ZNF70: variants seen among roughly 807,000 people sequenced by gnomAD.
ZNF70 encodes zinc finger protein 70.
Under a neutral mutation model 37.7 loss-of-function variants are expected in ZNF70, and 18 were observed. The observed-to-expected ratio is 0.48, with a 90% confidence interval of 0.33 to 0.71. The LOEUF is 0.71. ZNF70 is among the 30% of genes least tolerant of loss of function. The probability of loss-of-function intolerance (pLI) is 0.02; values close to 1 mark genes in which losing one functional copy is unlikely to be tolerated. For missense variants in ZNF70, 506 were observed against 568.6 expected (o/e 0.89, Z 1.12); for synonymous variants, 219 against 220.1 (o/e 0.99, Z 0.05).
At chr22:23,750,284 C>T (rs1044362923) in intron 1 of ZNF70, among the ~76,000 whole-genome samples, 11 of 152,094 alleles carry the variant, frequency 7.2e-5, no homozygotes, top group African/African-American at 2.7e-4. Context: ...GTTTGGCTCT[C>T]GAAGAGTTTG....
In ZNF70 at chr22:23,742,598, C is replaced by A. The variant is rs1286222722; in HGVS notation, c.*1202G>T. The stretch of plus-strand genomic sequence containing the variant: ...ATGAGAGGTCCCACTGCTCAGAAAC[C>A]AGACGGGAACATCTCTCCAGTCCGT... On this transcript the variant is annotated 3_prime_UTR_variant, in exon 2 of 2. Coordinates refer to ENST00000341976, the MANE Select transcript of ZNF70 (RefSeq NM_021916.4). 6.6e-6 allele frequency: 1 copy of A among 152,352 alleles called. No homozygotes were observed. Among genetic ancestry groups the A allele is most frequent in the Non-Finnish European group, 1.5e-5 (1 of 68,118 alleles). 9.4% of individuals were successfully genotyped at this position (152,352 alleles called of 1,614,324 possible). A position where few individuals can be genotyped will look rare whatever the true frequency, so the allele number is the denominator to read the frequency against.
Position 23,745,003 on chromosome 22 carries a change from C to T in ZNF70, c.138G>A (p.Val46=), listed in dbSNP as rs760887865. 6.2e-7 allele frequency: 1 copy of T among 1,614,196 alleles called. No individual in the cohort carries two copies. The highest frequency in any genetic ancestry group is 8.5e-7 in the Non-Finnish European group (1 of 1,180,040). Residue 46 remains valine (V), a synonymous_variant, in exon 2 of 2, where the codon GTG becomes GTA. Coordinates refer to ENST00000341976, the MANE Select transcript of ZNF70 (RefSeq NM_021916.4). ...LQERGLEQMA[V]IYKEIPLGEQ... is the part of the protein sequence containing the mutation. ...CACCAAGAGGGATCTCCTTGTAGATCACAGCCATTTGCTCCAAACCTCTTT... is the reference window on the plus strand; with the variant it reads ...CACCAAGAGGGATCTCCTTGTAGATTACAGCCATTTGCTCCAAACCTCTTT...
intron 1 of ZNF70, among the ~76,000 whole-genome samples, chr22:23,748,429 T>C (rs1267542544): frequency 1.3e-5 from 2 of 152,024 alleles, no homozygotes; most frequent in Non-Finnish European, 2.9e-5. Context: ...TCTGTAGAGA[T>C]GAGATAATAT....
chr22:23,744,795 C>G lies in ZNF70; in HGVS notation c.346G>C (p.Asp116His). 6.2e-7 allele frequency: 1 copy of G among 1,614,220 alleles called. No individual in the cohort carries two copies. The highest frequency in any genetic ancestry group is 8.5e-7 in the Non-Finnish European group (1 of 1,180,044). Residue 116 changes from aspartate (D) to histidine (H), a missense_variant, in exon 2 of 2, where the codon GAT becomes CAT. Asp to His is a moderately conservative substitution (Grantham distance 81, BLOSUM62 -1). Transcript: ENST00000341976. ...TCCCCTCTGTCTGTTTCTGCACAAT[C>G]GCATGGACTGGGCTCTTCACTGTGG... ...IIHSEEPSPC[D>H]CAETDRGDSG... is the part of the protein sequence containing the mutation.
chr22:23,749,784 C>T (rs1021555566), intron 1 of ZNF70, among the ~76,000 whole-genome samples: 22 of 152,070 alleles, frequency 1.4e-4, no homozygotes, highest in Non-Finnish European at 2.9e-4. Flanking sequence ...CTCACCCTCC[C>T]CCTCCTCTTC....
intron 1 of ZNF70, among the ~76,000 whole-genome samples, chr22:23,748,733 T>C (rs8136852): frequency 1.3e-5 from 2 of 151,796 alleles, no homozygotes; most frequent in East Asian, 3.9e-4. Context: ...TTAGTAGAGA[T>C]GGGGTTTCAC....
At position 23,743,877 on chromosome 22, in the gene ZNF70, T is replaced by A. The variant is rs749734935; in HGVS notation, c.1264A>T (p.Asn422Tyr). 1.9e-6 allele frequency: 3 copies of A among 1,614,206 alleles called. No individual in the cohort carries two copies. In the East Asian group the frequency reaches 6.7e-5, roughly 36 times the overall value. Reference sequence around the variant, plus strand: ...CCCCGGAAGGACTTGCCGCACAGATTGCACACGTAGGGCTTCTCTCTGGTG... The same window carrying A: ...CCCCGGAAGGACTTGCCGCACAGATAGCACACGTAGGGCTTCTCTCTGGTG... Reference protein sequence around the residue: ...THTREKPYVCNLCGKSFRGSS... With the variant: ...THTREKPYVCYLCGKSFRGSS... Residue 422 changes from asparagine (N) to tyrosine (Y), a missense_variant, in exon 2 of 2, where the codon AAT (asparagine) becomes TAT (tyrosine). Transcript: ENST00000341976.
Position 23,745,187 on chromosome 22 carries a change from T to A in ZNF70, c.-47A>T. 1 of 1,567,976 alleles carries A rather than the reference T, an allele frequency of 6.4e-7. No homozygotes were observed. Among genetic ancestry groups the A allele is most frequent in the Non-Finnish European group, 8.6e-7 (1 of 1,156,270 alleles). The stretch of plus-strand genomic sequence containing the variant: ...AATGGTTGTATTTCTTTAAAAATGT[T>A]CTTCTTTGGGCCACACTTACTGTTC... On this transcript the variant is annotated 5_prime_UTR_variant, in exon 2 of 2. Coordinates refer to ENST00000341976, the MANE Select transcript of ZNF70 (RefSeq NM_021916.4).
At chr22:23,750,666 T>C (rs1242918163) in intron 1 of ZNF70, 45 bp downstream of exon 1, 8 of 152,272 alleles carry the variant, frequency 5.3e-5, no homozygotes, top group Admixed American at 5.2e-4. Context: ...ATGATAAGTG[T>C]TTTTGGACCG....
rs948684085 is a variant in ZNF70, at chr22:23,751,067, G to C, written c.-436C>G. The C allele has an allele frequency of 6.6e-6, 1 of 151,742 alleles. No individual in the cohort carries two copies. The highest frequency in any genetic ancestry group is 1.5e-5 in the Non-Finnish European group (1 of 67,908). The allele number at this position is 151,742 out of a possible 1,614,324, so 9.4% of individuals were successfully genotyped here. ...CCGCACCTGAGCTGCTCCAACCCGC[G>C]GCCGACGCGGCCGACGCTGCCTGGC... On this transcript the variant is annotated 5_prime_UTR_variant, in exon 1 of 2. Coordinates refer to ENST00000341976, the MANE Select transcript of ZNF70 (RefSeq NM_021916.4).
Position 23,744,210 on chromosome 22 carries a change from C to T in ZNF70, c.931G>A (p.Asp311Asn), listed in dbSNP as rs1256353654. 12 of 1,604,996 alleles carry T rather than the reference C, an allele frequency of 7.5e-6. No individual in the cohort carries two copies. The highest frequency in any genetic ancestry group is 1.7e-5 in the Admixed American group (1 of 58,882). The change falls in exon 2 of 2, where the codon GAT becomes AAT. Residue 311 changes from aspartate to asparagine, a missense_variant. Coordinates refer to ENST00000341976, the MANE Select transcript of ZNF70 (RefSeq NM_021916.4). ...IHTGKKPYKCDECGKAFSQSS... is the reference protein window; with the variant it reads ...IHTGKKPYKCNECGKAFSQSS... ...TGGCTGAAGGCCTTCCCGCACTCAT[C>T]GCATTTGTATGGTTTCTTCCCAGTG...
chr22:23,749,558 G>T (rs1800528411), intron 1 of ZNF70, among the ~76,000 whole-genome samples: 1 of 138,306 alleles, frequency 7.2e-6, no homozygotes, highest in Non-Finnish European at 1.5e-5. Context: ...AAAAAAAGTA[G>T]CTGGGAATAC....
rs1474652103 is a variant in ZNF70, at chr22:23,750,174, A to G, written c.-80+537T>C. 2.0e-5 allele frequency among the ~76,000 whole-genome samples: 3 copies of G among 151,982 alleles called. No homozygotes were observed. In the East Asian group the frequency reaches 5.8e-4, roughly 29 times the overall value. ...GCCAATCCCTCTCTTCTCGGTCTTC[A>G]CCTTCCCACCCCATCTGGCACTGCT... On this transcript the variant is annotated intron_variant, in intron 1 of 1. Coordinates refer to ENST00000341976, the MANE Select transcript of ZNF70 (RefSeq NM_021916.4).
intron 1 of ZNF70, among the ~76,000 whole-genome samples, chr22:23,747,830 T>A (rs1025311820): frequency 9.2e-5 from 14 of 151,542 alleles, no homozygotes; most frequent in Admixed American, 3.9e-4. Context: ...TCTCAAAAAA[T>A]AAATAAATAA....
chr22:23,743,626 C>G lies in ZNF70; in HGVS notation c.*174G>C. The G allele has an allele frequency of 4.5e-6, 4 of 883,034 alleles. No individual in the cohort carries two copies. Among genetic ancestry groups the G allele is most frequent in the Non-Finnish European group, 6.8e-6 (4 of 586,938 alleles). The allele number at this position is 883,034 out of a possible 1,614,324, so 54.7% of individuals were successfully genotyped here. On this transcript the variant is annotated 3_prime_UTR_variant, in exon 2 of 2. Transcript: ENST00000341976. The stretch of plus-strand genomic sequence containing the variant: ...ATGCAGAAAACCTGCTGAGAGCTGG[C>G]GTGCTTGGCCCAGGGCCACACAGGG...
rs776345172 is a variant in ZNF70 at position 23,744,844 on chromosome 22, G to A, written c.297C>T (p.Ser99=). The change falls in exon 2 of 2, where the codon TCC becomes TCT. Residue 99 remains serine, a synonymous_variant. Coordinates refer to ENST00000341976, the MANE Select transcript of ZNF70 (RefSeq NM_021916.4). ...GGATTATCTGACACATGCTGAGGTC[G>A]GATTTCTGGAGGAAGGTTTGTCCGA... ...ELFGQTFLQK[S]DLSMCQIIHS... 2.1e-5 allele frequency: 34 copies of A among 1,614,070 alleles called. No homozygotes were observed. The highest frequency in any genetic ancestry group is 1.6e-4 in the Middle Eastern group (1 of 6,084).
At position 23,744,525 on chromosome 22, in the gene ZNF70, G is replaced by A. The variant is rs544696362; in HGVS notation, c.616C>T (p.Arg206Cys). 144 of 1,600,994 alleles carry A rather than the reference G, an allele frequency of 9.0e-5. No homozygotes were observed. In the East Asian group the frequency reaches 1.5e-3, roughly 16 times the overall value. Reference sequence around the variant, plus strand: ...TGTTGCGTGAGGGCTGAGCTCTGGCGGAAGGCCTTCCCACACTCCCGGCAC... The same window carrying A: ...TGTTGCGTGAGGGCTGAGCTCTGGCAGAAGGCCTTCCCACACTCCCGGCAC... ...YECRECGKAF[R>C]QSSALTQHQK... The change falls in exon 2 of 2, where the codon CGC becomes TGC. Residue 206 changes from arginine (R) to cysteine (C), a missense_variant. By Grantham distance (180) the Arg-to-Cys change is radical. Coordinates refer to ENST00000341976, the MANE Select transcript of ZNF70 (RefSeq NM_021916.4).
chr22:23,744,694 G>A lies in ZNF70; in HGVS notation c.447C>T (p.Phe149=), dbSNP rs777646475. 1.2e-6 allele frequency: 2 copies of A among 1,614,224 alleles called. No individual in the cohort carries two copies. Among genetic ancestry groups the A allele is most frequent in the South Asian group, 1.1e-5 (1 of 91,090 alleles). Reference sequence around the variant, plus strand: ...GTCGGAGCAGGTGCGAGCTCTGGCTGAAGGCCTTCCCACACTCTCGACACG... The same window carrying A: ...GTCGGAGCAGGTGCGAGCTCTGGCTAAAGGCCTTCCCACACTCTCGACACG... ...PYACRECGKA[F]SQSSHLLRHL... is the part of the protein sequence containing the mutation. Residue 149 remains phenylalanine, a synonymous_variant, in exon 2 of 2, where the codon TTC becomes TTT. Coordinates refer to ENST00000341976, the MANE Select transcript of ZNF70 (RefSeq NM_021916.4).
chr22:23,748,788 G>A (rs1925219292), intron 1 of ZNF70, among the ~76,000 whole-genome samples: 1 of 150,904 alleles, frequency 6.6e-6, no homozygotes, highest in Non-Finnish European at 1.5e-5. Context: ...CAGGTGATCC[G>A]CCCACCTTGG....
Sources: allele counts gnomAD v4.1 joint callset (sites outside exome capture counted in the v4.1 genomes callset), GRCh38; gene constraint gnomAD v4.1.1; transcripts MANE v1.5; gene names NCBI Gene and HGNC (gene_info 2026-07-23, HGNC 2026-07-21).